Variants in DISC1 observed in about 807,000 individuals in gnomAD.
The protein encoded by DISC1 is disrupted in schizophrenia 1 protein.
Under a neutral mutation model 84.5 loss-of-function variants are expected in DISC1, and 57 were observed. The ratio of observed to expected loss-of-function variants is 0.67; its 90% confidence interval spans 0.55 to 0.84. DISC1 has a LOEUF of 0.84. Among genes scored for constraint, DISC1 ranks in the 40% least tolerant of loss-of-function variants. The pLI, the probability that DISC1 is intolerant of heterozygous loss-of-function variation, is 0.00. For missense variants in DISC1, 1,000 were observed against 1,057.8 expected (o/e 0.95, Z 0.76); for synonymous variants, 411 against 415.2 (o/e 0.99, Z 0.12).
chr1:232,029,171 A>C (rs553171631), intron 12 of DISC1, among the ~76,000 whole-genome samples: 1 of 152,188 alleles, frequency 6.6e-6, no homozygotes, highest in Non-Finnish European at 1.5e-5. Context: ...TGATAAGCGG[A>C]GAAGCACTGG....
chr1:231,757,718 A>G lies in DISC1; in HGVS notation c.1268+7642A>G, dbSNP rs117372262. The stretch of plus-strand genomic sequence containing the variant: ...TGGGAAGTTCATGTATCTTTGCCAC[A>G]ACAAATGGTATATGCTCAGGCCACC... On this transcript the variant is annotated intron_variant, in intron 4 of 12. Transcript: ENST00000439617. 2.6e-4 allele frequency among the ~76,000 whole-genome samples: 40 copies of G among 152,268 alleles called. No individual in the cohort carries two copies. In the East Asian group the frequency reaches 4.3e-3, roughly 16 times the overall value.
chr1:231,735,215 A>G (rs1464671936), intron 3 of DISC1, among the ~76,000 whole-genome samples: 3 of 152,168 alleles, frequency 2.0e-5, no homozygotes, highest in Non-Finnish European at 4.4e-5. Flanking sequence ...TAATATTTAC[A>G]TATTTTGTAT....
chr1:231,872,230 T>G (rs1274275791), intron 9 of DISC1, among the ~76,000 whole-genome samples: 5 of 152,246 alleles, frequency 3.3e-5, no homozygotes, highest in Non-Finnish European at 5.9e-5. Context: ...TACTTCAGTC[T>G]CTTCAACATT....
chr1:231,957,189 G>A (rs1414684152), intron 9 of DISC1, among the ~76,000 whole-genome samples: 1 of 152,048 alleles, frequency 6.6e-6, no homozygotes, highest in African/African-American at 2.4e-5. Flanking sequence ...TGGAACATTT[G>A]GCTCCGGCCA....
intron 4 of DISC1, chr1:231,750,371 G>A (rs201634414): frequency 5.8e-4 from 678 of 1,177,084 alleles, no homozygotes; most frequent in Non-Finnish European, 6.8e-4. Context: ...CTAAGAAGGT[G>A]GGGGTAATTT....
chr1:231,897,131 G>A lies in DISC1; in HGVS notation c.1982-61697G>A, dbSNP rs998126482. ...GCAGGGCATGGTAAGACTTCAGAAA[G>A]GAAGTGACATTGGAGGTACATCTTG... On this transcript the variant is annotated intron_variant, in intron 9 of 12. Transcript: ENST00000439617. This position sits in a 1 kb window ranked among gnomAD's most constrained non-coding sequence, Gnocchi z 4.5. 6.6e-6 allele frequency among the ~76,000 whole-genome samples: 1 copy of A among 152,318 alleles called. No individual in the cohort carries two copies. Among genetic ancestry groups the A allele is most frequent in the African/African-American group, 2.4e-5 (1 of 41,578 alleles).
intron 10 of DISC1, among the ~76,000 whole-genome samples, chr1:231,977,901 A>T (rs187097600): frequency 2.0e-5 from 3 of 152,320 alleles, no homozygotes. Flanking sequence ...TAATTGTCTC[A>T]TAATTTTATT....
intron 10 of DISC1, among the ~76,000 whole-genome samples, chr1:232,004,698 C>T (rs1241076009): frequency 6.6e-6 from 1 of 152,116 alleles, no homozygotes; most frequent in Admixed American, 6.5e-5. Context: ...CACCTTTTAC[C>T]TATTAGATTG....
chr1:231,921,141 C>G (rs906604481), intron 9 of DISC1, among the ~76,000 whole-genome samples: 9 of 151,898 alleles, frequency 5.9e-5, no homozygotes, highest in African/African-American at 2.2e-4. Flanking sequence ...GTCTCAATCT[C>G]CTGACCTCGT....
At chr1:231,650,307 C>A (rs1441957978) in intron 1 of DISC1, among the ~76,000 whole-genome samples, 1 of 152,162 alleles carries the variant, frequency 6.6e-6, no homozygotes, top group African/African-American at 2.4e-5. Context: ...GATTCTATTT[C>A]TCCTTCACTT....
intron 9 of DISC1, among the ~76,000 whole-genome samples, chr1:231,934,266 A>G (rs2090848496): frequency 1.3e-5 from 2 of 152,154 alleles, no homozygotes; most frequent in Admixed American, 1.3e-4. Context: ...CCCAGCGTCC[A>G]CTTCTACTTT....
intron 9 of DISC1, among the ~76,000 whole-genome samples, chr1:231,837,452 G>A (rs2082706381): frequency 6.6e-6 from 1 of 152,138 alleles, no homozygotes; most frequent in Admixed American, 6.5e-5. Flanking sequence ...AGTTTCTAAA[G>A]CAAATTCTCC....
intron 3 of DISC1, among the ~76,000 whole-genome samples, chr1:231,743,846 C>T (rs10495309): frequency 0.25 from 38,616 of 152,032 alleles, 5,345 homozygotes; most frequent in East Asian, 0.44. Context: ...ATGCATATGA[C>T]AAGTTTATGT....
In DISC1 at chr1:231,833,058, T is replaced by TG. The variant is rs1302180379; in HGVS notation, c.1981+14547dup. On this transcript the variant is annotated intron_variant, in intron 9 of 12. Transcript: ENST00000439617. Reference sequence around the variant, plus strand: ...GGTATCTTATACTTGTGGGTTAAGGTGGGGGGATACAAGAGGAGGACGCAA... The same window carrying TG: ...GGTATCTTATACTTGTGGGTTAAGGTGGGGGGGATACAAGAGGAGGACGCAA... 4.2e-5 allele frequency among the ~76,000 whole-genome samples: 6 copies of TG among 142,484 alleles called. No homozygotes were observed. In the East Asian group the frequency reaches 8.6e-4, roughly 20 times the overall value. The allele number at this position is 142,484 out of a possible 152,430, so 93.5% of individuals were successfully genotyped here. A position where few individuals can be genotyped will look rare whatever the true frequency, so the allele number is the denominator to read the frequency against.
At position 231,937,336 on chromosome 1, in the gene DISC1, T is replaced by TA. The variant is rs1466624552; in HGVS notation, c.1982-21488dup. Among the ~76,000 whole-genome samples, 3 of 152,214 alleles carry TA rather than the reference T, an allele frequency of 2.0e-5. No homozygotes were observed. In the East Asian group the frequency reaches 5.8e-4, roughly 29 times the overall value. ...TCAAGCCTAATGCTTTTTAAATACT[T>TA]AAAACAAATACCAGGAAACTGTGGG... On this transcript the variant is annotated intron_variant, in intron 9 of 12. Transcript: ENST00000439617.
chr1:231,629,946 T>A (rs947663239), intron 1 of DISC1, among the ~76,000 whole-genome samples: 3 of 152,164 alleles, frequency 2.0e-5, no homozygotes, highest in Non-Finnish European at 4.4e-5. Context: ...ATATATATAT[T>A]TTTTGAGACG....
chr1:231,764,096 A>G (rs1169887800), intron 4 of DISC1, among the ~76,000 whole-genome samples: 3 of 152,218 alleles, frequency 2.0e-5, no homozygotes, highest in Non-Finnish European at 4.4e-5. Context: ...GACAAGATCT[A>G]GCTGTGTGGG....
At chr1:231,760,428 T>TGTGTGTGGATGTGACTGGA (rs2075556117) in intron 4 of DISC1, among the ~76,000 whole-genome samples, 1 of 152,164 alleles carries the variant, frequency 6.6e-6, no homozygotes, top group African/African-American at 2.4e-5. Flanking sequence ...TAGTCATCAG[T>TGTGTGTGGATGTGACTGGA]AGGGAGCAGC....
At chr1:231,777,449 G>T (rs2077041205) in intron 6 of DISC1, among the ~76,000 whole-genome samples, 1 of 152,136 alleles carries the variant, frequency 6.6e-6, no homozygotes. Context: ...TTGAACTCCT[G>T]TCCTCAAGTG....
Sources: allele counts gnomAD v4.1 joint callset (sites outside exome capture counted in the v4.1 genomes callset), GRCh38; gene constraint gnomAD v4.1.1; non-coding constraint Gnocchi (gnomAD v3.1); transcripts MANE v1.5; gene names NCBI Gene and HGNC (gene_info 2026-07-23, HGNC 2026-07-21).